VWC2L: variants seen among roughly 807,000 people sequenced by gnomAD.
VWC2L encodes the protein von Willebrand factor C domain containing 2 like.
A neutral mutation model predicts 21.6 loss-of-function variants in VWC2L; 10 were observed. The observed-to-expected ratio is 0.46, with a 90% CI of 0.29 to 0.78. The LOEUF (loss-of-function observed/expected upper bound fraction) is 0.78, where lower values mean the gene tolerates loss of function less well. VWC2L is among the 30% of genes least tolerant of loss of function. The pLI, the probability that VWC2L is intolerant of heterozygous loss-of-function variation, is 0.10. For missense variants in VWC2L, 209 were observed against 277.1 expected (o/e 0.75, Z 1.74); for synonymous variants, 96 against 94.3 (o/e 1.02, Z -0.10).
chr2:214,465,745 C>G (rs1016324402), intron 3 of VWC2L, among the ~76,000 whole-genome samples: 2 of 152,142 alleles, frequency 1.3e-5, no homozygotes, highest in African/African-American at 4.8e-5. Flanking sequence ...TTTAGGACCC[C>G]TAAGCACTTT....
chr2:214,512,181 C>G (rs1321254468), intron 3 of VWC2L, among the ~76,000 whole-genome samples: 1 of 152,120 alleles, frequency 6.6e-6, no homozygotes, highest in Non-Finnish European at 1.5e-5. Flanking sequence ...TGCTAGCAAG[C>G]AACTGTGTTG....
chr2:214,477,565 T>TG (rs1424403465), intron 3 of VWC2L, among the ~76,000 whole-genome samples: 2 of 152,170 alleles, frequency 1.3e-5, no homozygotes, highest in African/African-American at 4.8e-5. Flanking sequence ...AGTTTGGGAG[T>TG]GCGTAGAGCA....
chr2:214,466,139 G>A (rs1210585865), intron 3 of VWC2L, among the ~76,000 whole-genome samples: 2 of 151,596 alleles, frequency 1.3e-5, no homozygotes, highest in Non-Finnish European at 2.9e-5. Flanking sequence ...GCTTTTTTGT[G>A]TAGTTGTTCA....
chr2:214,421,540 T>G (rs1702439873), intron 2 of VWC2L, among the ~76,000 whole-genome samples: 1 of 152,140 alleles, frequency 6.6e-6, no homozygotes, highest in Non-Finnish European at 1.5e-5. Context: ...GATTTGTGAC[T>G]GGGCTTCTGT....
intron 3 of VWC2L, among the ~76,000 whole-genome samples, chr2:214,494,277 A>G (rs184812023): frequency 4.5e-4 from 69 of 152,296 alleles, no homozygotes. Flanking sequence ...AAAATATTAT[A>G]ATTTACTCTC....
intron 3 of VWC2L, among the ~76,000 whole-genome samples, chr2:214,547,160 G>A (rs555204533): frequency 6.6e-5 from 10 of 150,660 alleles, no homozygotes; most frequent in Admixed American, 2.0e-4. Context: ...AAGTAAACTG[G>A]AAGATTGAGG....
rs572044332 is a variant in VWC2L, at chr2:214,476,504, A to C, written c.520+39746A>C. 2.0e-5 allele frequency among the ~76,000 whole-genome samples: 3 copies of C among 152,242 alleles called. No individual in the cohort carries two copies. The South Asian group carries it at 6.2e-4, about 32-fold the overall frequency. On this transcript the variant is annotated intron_variant, in intron 3 of 3. Coordinates refer to ENST00000312504, the MANE Select transcript of VWC2L (RefSeq NM_001080500.4). Reference sequence around the variant, plus strand: ...TTGGGGGGCATATTAAATCTAACTTACCCGGCTTTCCATACTCTGATGTAC... The same window carrying C: ...TTGGGGGGCATATTAAATCTAACTTCCCCGGCTTTCCATACTCTGATGTAC...
intron 3 of VWC2L, among the ~76,000 whole-genome samples, chr2:214,449,726 C>T (rs1347267949): frequency 6.6e-6 from 1 of 152,110 alleles, no homozygotes; most frequent in Non-Finnish European, 1.5e-5. Flanking sequence ...TTGGATACCC[C>T]TCAATTGAGA....
intron 3 of VWC2L, among the ~76,000 whole-genome samples, chr2:214,477,709 T>C (rs1273572680): frequency 6.6e-6 from 1 of 152,278 alleles, no homozygotes; most frequent in Non-Finnish European, 1.5e-5. Context: ...TGTAGCAGAA[T>C]TTGAACCTAG....
chr2:214,569,258 T>C (rs888246591), intron 3 of VWC2L, among the ~76,000 whole-genome samples: 42 of 152,224 alleles, frequency 2.8e-4, no homozygotes, highest in African/African-American at 9.6e-4. Context: ...CCATGAGTGC[T>C]CTGTGGACCA....
At chr2:214,511,283 G>C (rs991268481) in intron 3 of VWC2L, among the ~76,000 whole-genome samples, 4 of 152,056 alleles carry the variant, frequency 2.6e-5, no homozygotes, top group Non-Finnish European at 4.4e-5. Flanking sequence ...AAAAAAAATT[G>C]TTAAAGTGAC....
intron 3 of VWC2L, among the ~76,000 whole-genome samples, chr2:214,503,615 G>A (rs1688926036): frequency 6.6e-6 from 1 of 151,908 alleles, no homozygotes; most frequent in Non-Finnish European, 1.5e-5. Context: ...CAAAAGCAGT[G>A]ATTGTTGAGT....
intron 3 of VWC2L, among the ~76,000 whole-genome samples, chr2:214,506,697 C>T (rs1027647448): frequency 7.4e-5 from 5 of 67,852 alleles, no homozygotes; most frequent in East Asian, 3.4e-4. Context: ...ATAATAAATT[C>T]GTAATATCGA....
chr2:214,511,795 G>T (rs1689057619), intron 3 of VWC2L, among the ~76,000 whole-genome samples: 1 of 150,068 alleles, frequency 6.7e-6, no homozygotes, highest in African/African-American at 2.4e-5. Flanking sequence ...TAAGAAAGTT[G>T]AATTGGATGA....
chr2:214,561,650 C>A (rs1157183122), intron 3 of VWC2L, among the ~76,000 whole-genome samples: 2 of 151,406 alleles, frequency 1.3e-5, no homozygotes, highest in Non-Finnish European at 2.9e-5. Flanking sequence ...TGGCATATGC[C>A]TATAGCCCCA....
Position 214,565,416 on chromosome 2 carries a change from T to G in VWC2L, c.521-10256T>G, listed in dbSNP as rs562622868. ...GCAATCACAGCAAACCATTTTCATT[T>G]TCTTAATGACTCCCTCCTCAGTCAA... On this transcript the variant is annotated intron_variant, in intron 3 of 3. Coordinates refer to ENST00000312504, the MANE Select transcript of VWC2L (RefSeq NM_001080500.4). Among the ~76,000 whole-genome samples, 3 of 152,288 alleles carry G rather than the reference T, an allele frequency of 2.0e-5. No individual in the cohort carries two copies. The East Asian group carries it at 5.8e-4, about 29-fold the overall frequency.
intron 3 of VWC2L, among the ~76,000 whole-genome samples, chr2:214,521,407 G>A (rs542370391): frequency 2.6e-5 from 4 of 152,172 alleles, no homozygotes; most frequent in African/African-American, 7.2e-5. Context: ...GGTAGAGGCT[G>A]GGACAGTATT....
intron 3 of VWC2L, among the ~76,000 whole-genome samples, chr2:214,531,564 G>T (rs527966076): frequency 6.6e-6 from 1 of 152,232 alleles, no homozygotes; most frequent in South Asian, 2.1e-4. Flanking sequence ...TTTTCAGGGA[G>T]GGTAAGCTCT....
At chr2:214,482,732 T>C (rs1688625051) in intron 3 of VWC2L, among the ~76,000 whole-genome samples, 1 of 151,570 alleles carries the variant, frequency 6.6e-6, no homozygotes, top group Admixed American at 6.6e-5. Flanking sequence ...GGAGGCTGTT[T>C]AGCCTGGGCA....
Sources: gnomAD v4.1 joint callset for allele counts (sites outside exome capture counted in the v4.1 genomes callset) on GRCh38, gnomAD v4.1.1 for gene constraint, MANE v1.5 for transcripts, NCBI Gene and HGNC (gene_info 2026-07-23, HGNC 2026-07-21) for gene names.